Variants in CCNDBP1 observed in about 807,000 individuals in gnomAD.
CCNDBP1 encodes the protein cyclin-D1-binding protein 1.
In CCNDBP1, 45 loss-of-function variants were observed where a neutral mutation model predicts 46.2. The ratio of observed to expected loss-of-function variants is 0.97; its 90% CI spans 0.77 to 1.25. The LOEUF (loss-of-function observed/expected upper bound fraction) is 1.25, where lower values mean the gene tolerates loss of function less well. CCNDBP1 is among the 50% of genes most tolerant of loss of function. The pLI is 0.00. For missense variants in CCNDBP1, 436 were observed against 442.1 expected, an observed-to-expected ratio of 0.99 and a Z score of 0.12; for synonymous variants, 154 against 163.6, an observed-to-expected ratio of 0.94 and a Z score of 0.45.
intron 10 of CCNDBP1, 128 bp downstream of exon 10, chr15:43,194,589 A>G (rs915687385): frequency 1.5e-5 from 15 of 996,054 alleles, no homozygotes; most frequent in Non-Finnish European, 2.1e-5. Flanking sequence ...TTTCAGCTTC[A>G]GTTGTGGGGC....
chr15:43,189,348 T>G, intron 4 of CCNDBP1, 68 bp downstream of exon 4: 1 of 944,924 alleles, frequency 1.1e-6, no homozygotes, highest in Admixed American at 2.5e-5. Context: ...GTCTTGTGAC[T>G]TTTACCTTTA....
intron 8 of CCNDBP1, among the ~76,000 whole-genome samples, chr15:43,192,281 TATCA>T (rs2041966419): frequency 6.6e-6 from 1 of 152,232 alleles, no homozygotes; most frequent in Non-Finnish European, 1.5e-5. Context: ...TTTGCAAGAA[TATCA>T]TATAATTAAG....
chr15:43,185,477 C>A lies in CCNDBP1; in HGVS notation c.-22C>A. 2 of 1,552,082 alleles carry A rather than the reference C, an allele frequency of 1.3e-6. No individual in the cohort carries two copies. Among genetic ancestry groups the A allele is most frequent in the Non-Finnish European group, 1.7e-6 (2 of 1,148,702 alleles). On this transcript the variant is annotated 5_prime_UTR_variant, in exon 1 of 11. Transcript: ENST00000300213. ...CAGTGGCAGCGGAGGCCTGTGTTTG[C>A]GGCCTTCGGCAAGCGACTGAGATGG... is the stretch of plus-strand genomic sequence containing the variant.
chr15:43,195,027 G>T lies in CCNDBP1; in HGVS notation c.*186G>T, dbSNP rs1032722885. On this transcript the variant is annotated 3_prime_UTR_variant, in exon 11 of 11. Transcript: ENST00000300213. ...TGACACCTATTTATAAACCATATGCGTATATTTTTCTGTGCTATATATGAA... is the reference window on the plus strand; with the variant it reads ...TGACACCTATTTATAAACCATATGCTTATATTTTTCTGTGCTATATATGAA... 22 of 470,590 alleles carry T rather than the reference G, an allele frequency of 4.7e-5. No individual in the cohort carries two copies. The highest frequency in any genetic ancestry group is 3.1e-4 in the Middle Eastern group (1 of 3,228). The allele number at this position is 470,590 out of a possible 1,614,324, so 29.2% of individuals were successfully genotyped here.
Position 43,190,405 on chromosome 15 carries a change from G to A in CCNDBP1, c.502+7G>A. ...ATGCCTCAGATACCAAGAGGTGAGT[G>A]AAAGTGGGCAGTGGGCCATGTCTGC... On this transcript the variant is annotated splice_region_variant and intron_variant, in intron 6 of 10. Coordinates refer to ENST00000300213, the MANE Select transcript of CCNDBP1 (RefSeq NM_012142.5). The A allele has an allele frequency of 1.2e-6, 2 of 1,613,682 alleles. No homozygotes were observed. Among genetic ancestry groups the A allele is most frequent in the Non-Finnish European group, 1.7e-6 (2 of 1,179,628 alleles).
intron 9 of CCNDBP1, among the ~76,000 whole-genome samples, chr15:43,193,781 C>G (rs2041997918): frequency 6.6e-6 from 1 of 152,152 alleles, no homozygotes; most frequent in Admixed American, 6.5e-5. Flanking sequence ...TTAGATTCAT[C>G]AGATGTGTCT....
intron 3 of CCNDBP1, among the ~76,000 whole-genome samples, chr15:43,186,609 A>G (rs1012649457): frequency 2.6e-5 from 4 of 152,354 alleles, no homozygotes; most frequent in South Asian, 2.1e-4. Flanking sequence ...ATTTAAATCA[A>G]GGTCTATCTG....
intron 7 of CCNDBP1, 81 bp from the exon 8 acceptor site, chr15:43,191,314 C>T (rs1214352887): frequency 4.3e-6 from 6 of 1,386,442 alleles, no homozygotes; most frequent in African/African-American, 3.0e-5. Context: ...ACTAAGACAT[C>T]GTGGTAAAAG....
intron 9 of CCNDBP1, 121 bp downstream of exon 9, chr15:43,192,924 A>G (rs1388089657): frequency 1.1e-6 from 1 of 882,124 alleles, no homozygotes; most frequent in Non-Finnish European, 1.9e-6. Flanking sequence ...GAAGTACAAC[A>G]GTAATGTCAC....
intron 6 of CCNDBP1, 109 bp from the exon 7 acceptor site, chr15:43,190,857 C>T: frequency 2.4e-6 from 2 of 846,298 alleles, no homozygotes; most frequent in Non-Finnish European, 3.9e-6. Context: ...CCCTTGTCAA[C>T]CGTCCTTGGC....
At chr15:43,189,954 G>T in intron 4 of CCNDBP1, 101 bp from the exon 5 acceptor site, 1 of 932,284 alleles carries the variant, frequency 1.1e-6, no homozygotes. Flanking sequence ...AAAGCATGTG[G>T]GTGTACATTA....
intron 2 of CCNDBP1, 68 bp downstream of exon 2, chr15:43,185,947 G>A (rs2142220593): frequency 1.3e-6 from 2 of 1,483,128 alleles, no homozygotes; most frequent in East Asian, 2.3e-5. Flanking sequence ...TTTTCCTCCC[G>A]CTGTCCCCCA....
At chr15:43,189,096 A>AGAAAG in intron 3 of CCNDBP1, 103 bp from the exon 4 acceptor site, 1 of 471,588 alleles carries the variant, frequency 2.1e-6, no homozygotes, top group Non-Finnish European at 3.6e-6. Context: ...AAAAAAAAAA[A>AGAAAG]AAAAAAAAGA....
chr15:43,194,609 T>A (rs531305041), intron 10 of CCNDBP1, 118 bp from the exon 11 acceptor site: 2 of 996,072 alleles, frequency 2.0e-6, no homozygotes, highest in East Asian at 2.5e-5. Flanking sequence ...CAGCTGAGAT[T>A]CTGCAAAGAA....
chr15:43,194,395 C>G lies in CCNDBP1; in HGVS notation c.922-20C>G, dbSNP rs371988422. The stretch of plus-strand genomic sequence containing the variant: ...TTATGGTAGGGCTCAGGGTGAATAA[C>G]TTCTGTGTTTCTTTTCTAGTCTGCG... On this transcript the variant is annotated intron_variant, in intron 9 of 10. Coordinates refer to ENST00000300213, the MANE Select transcript of CCNDBP1 (RefSeq NM_012142.5). The G allele has an allele frequency of 1.3e-6, 2 of 1,595,370 alleles. No homozygotes were observed. Among genetic ancestry groups the G allele is most frequent in the South Asian group, 2.3e-5 (2 of 87,574 alleles).
intron 8 of CCNDBP1, 65 bp downstream of exon 8, chr15:43,191,740 C>G: frequency 6.6e-7 from 1 of 1,525,210 alleles, no homozygotes; most frequent in East Asian, 2.3e-5. Context: ...GTGTTGTCAC[C>G]TCAAGGTTTT....
At chr15:43,188,034 T>C (rs1390009078) in intron 3 of CCNDBP1, among the ~76,000 whole-genome samples, 1 of 152,080 alleles carries the variant, frequency 6.6e-6, no homozygotes, top group Non-Finnish European at 1.5e-5. Flanking sequence ...TTCCAATCTG[T>C]ATGGAATGAT....
intron 9 of CCNDBP1, chr15:43,194,198 T>C: frequency 2.1e-6 from 1 of 481,426 alleles, no homozygotes; most frequent in Non-Finnish European, 3.6e-6. Flanking sequence ...TAAAAAATCT[T>C]ATTAAAATGT....
intron 3 of CCNDBP1, chr15:43,188,661 A>G (rs936856776): frequency 6.6e-6 from 1 of 152,186 alleles, no homozygotes; most frequent in Non-Finnish European, 1.5e-5. Context: ...CTGTTTCTTA[A>G]TGGTTTATTG....
Sources: gnomAD v4.1 joint callset for allele counts (sites outside exome capture counted in the v4.1 genomes callset) on GRCh38, gnomAD v4.1.1 for gene constraint, MANE v1.5 for transcripts, NCBI Gene and HGNC (gene_info 2026-07-23, HGNC 2026-07-21) for gene names.